The following SMIM13 variants were observed in gnomAD, a reference collection of about 807,000 sequenced individuals.
SMIM13 encodes UPF0766 protein C6orf228.
A neutral mutation model predicts 5.9 loss-of-function variants in SMIM13; 3 were observed. The ratio of observed to expected loss-of-function variants is 0.51; its 90% CI spans 0.23 to 1.31. The LOEUF is 1.31. Ranked by LOEUF, SMIM13 falls within the 40% of genes most tolerant of loss-of-function variation. The pLI, the probability that SMIM13 is intolerant of heterozygous loss-of-function variation, is 0.18. For missense variants in SMIM13, 85 were observed against 109.9 expected, an observed-to-expected ratio of 0.77 and a Z score of 1.01; for synonymous variants, 55 against 46.0, an observed-to-expected ratio of 1.19 and a Z score of -0.79.
At chr6:11,105,644 T>C (rs2113645102) in intron 1 of SMIM13, 1 of 227,516 alleles carries the variant, frequency 4.4e-6, no homozygotes, top group East Asian at 1.0e-4. Flanking sequence ...TAGGGGTAGA[T>C]AATAGAATGG....
intron 1 of SMIM13, among the ~76,000 whole-genome samples, chr6:11,097,166 G>C (rs571994636): frequency 1.3e-5 from 2 of 152,256 alleles, no homozygotes; most frequent in Admixed American, 1.3e-4. Context: ...TACAGCTCTG[G>C]AAGCTAAAAG....
In SMIM13 at chr6:11,133,738, G is replaced by GTT. The variant is rs80159629; in HGVS notation, c.77-653_77-652dup. Among the ~76,000 whole-genome samples the GTT allele has an allele frequency of 4.8e-3, 670 of 138,852 alleles. 4 individuals carry two copies. The highest frequency in any genetic ancestry group is 0.015 in the Middle Eastern group (4 of 260). The allele number at this position is 138,852 out of a possible 152,430, so 91.1% of individuals were successfully genotyped here. ...ACTACTCCTTGCAAAAACAAAACTTGTTTTTTTTTTTTTGTTAAAAGAGAA... is the reference window on the plus strand; with the variant it reads ...ACTACTCCTTGCAAAAACAAAACTTGTTTTTTTTTTTTTTTGTTAAAAGAGAA... On this transcript the variant is annotated intron_variant, in intron 1 of 1. Coordinates refer to ENST00000416247, the MANE Select transcript of SMIM13 (RefSeq NM_001135575.2).
At chr6:11,117,529 T>C (rs1284172591) in intron 1 of SMIM13, among the ~76,000 whole-genome samples, 1 of 152,058 alleles carries the variant, frequency 6.6e-6, no homozygotes, top group East Asian at 1.9e-4. Flanking sequence ...TTTTATTCAA[T>C]TCAAGATATT....
chr6:11,117,722 CTT>C (rs1758260007), intron 1 of SMIM13, among the ~76,000 whole-genome samples: 2 of 149,856 alleles, frequency 1.3e-5, no homozygotes, highest in African/African-American at 4.9e-5. Context: ...TTTAATGGGA[CTT>C]ATGATACAGA....
At chr6:11,104,468 G>C in intron 1 of SMIM13, 1 of 1,552,346 alleles carries the variant, frequency 6.4e-7, no homozygotes, top group Non-Finnish European at 8.7e-7. Flanking sequence ...GAAATAAGGG[G>C]GTGAGGGAGG....
At position 11,093,847 on chromosome 6, in the gene SMIM13, C is replaced by G. The variant is rs528027686; in HGVS notation, c.-467C>G. On this transcript the variant is annotated 5_prime_UTR_variant, in exon 1 of 2. Transcript: ENST00000416247. Reference sequence around the variant, plus strand: ...GGGGCCTGGGGCGGAGAAGCCGCTACAGCCGCGGCCGGGCGACGCTGACAT... The same window carrying G: ...GGGGCCTGGGGCGGAGAAGCCGCTAGAGCCGCGGCCGGGCGACGCTGACAT... Among the ~76,000 whole-genome samples, 1 of 152,382 alleles carries G rather than the reference C, an allele frequency of 6.6e-6. No homozygotes were observed. Among genetic ancestry groups the G allele is most frequent in the Admixed American group, 6.5e-5 (1 of 15,314 alleles).
At chr6:11,132,052 T>C (rs72825145) in intron 1 of SMIM13, among the ~76,000 whole-genome samples, 17,212 of 152,140 alleles carry the variant, frequency 0.11, 1,258 homozygotes, top group Middle Eastern at 0.17. Flanking sequence ...TAGAATATAC[T>C]AAGAACTCTT....
At chr6:11,125,850 A>G (rs1055839613) in intron 1 of SMIM13, among the ~76,000 whole-genome samples, 2 of 152,072 alleles carry the variant, frequency 1.3e-5, no homozygotes, top group Non-Finnish European at 2.9e-5. Context: ...ACTTTCTTGT[A>G]CTTGAGTATT....
At chr6:11,096,279 C>G (rs573516776) in intron 1 of SMIM13, among the ~76,000 whole-genome samples, 1 of 152,274 alleles carries the variant, frequency 6.6e-6, no homozygotes, top group Admixed American at 6.5e-5. Flanking sequence ...CAACCTAGAT[C>G]CCTCCTATGT....
chr6:11,131,332 T>TA (rs1417435788), intron 1 of SMIM13, among the ~76,000 whole-genome samples: 1 of 151,950 alleles, frequency 6.6e-6, no homozygotes. Context: ...TATATTTTTT[T>TA]AAAAAAACAA....
chr6:11,109,366 G>A (rs1242891213), intron 1 of SMIM13, among the ~76,000 whole-genome samples: 1 of 152,190 alleles, frequency 6.6e-6, no homozygotes, highest in South Asian at 2.1e-4. Context: ...CTCCTGAATG[G>A]GGCATAACTT....
intron 1 of SMIM13, chr6:11,103,977 G>T: frequency 6.4e-7 from 1 of 1,551,630 alleles, no homozygotes. Flanking sequence ...TACTTTTCCT[G>T]ATTGATTTAC....
chr6:11,124,237 T>C (rs1438805024), intron 1 of SMIM13, among the ~76,000 whole-genome samples: 1 of 152,232 alleles, frequency 6.6e-6, no homozygotes, highest in Non-Finnish European at 1.5e-5. Context: ...TACAAATAAG[T>C]GAGAACACGC....
chr6:11,116,008 CTTTTTTTTTTTTT>C lies in SMIM13; in HGVS notation c.77-18378_77-18366del, dbSNP rs35527082. On this transcript the variant is annotated intron_variant, in intron 1 of 1. Coordinates refer to ENST00000416247, the MANE Select transcript of SMIM13 (RefSeq NM_001135575.2). ...TGCCGGCCGGCCTTCCTTCCTTCCT[CTTTTTTTTTTTTT>C]TTTTTTTTTTTTTTTTGACAGAGTC... 6.2e-3 allele frequency among the ~76,000 whole-genome samples: 487 copies of C among 78,552 alleles called. 3 individuals are homozygous for C. Among genetic ancestry groups the C allele is most frequent in the African/African-American group, 0.021 (400 of 19,254 alleles). 51.5% of individuals were successfully genotyped at this position (78,552 alleles called of 152,430 possible). A position where few individuals can be genotyped will look rare whatever the true frequency, so the allele number is the denominator to read the frequency against.
intron 1 of SMIM13, among the ~76,000 whole-genome samples, chr6:11,098,226 T>G (rs989831717): frequency 6.6e-6 from 1 of 152,182 alleles, no homozygotes; most frequent in African/African-American, 2.4e-5. Flanking sequence ...TCTGTCTACA[T>G]TGGTTGTCTC....
chr6:11,101,026 C>T (rs867053294), intron 1 of SMIM13, among the ~76,000 whole-genome samples: 1 of 143,350 alleles, frequency 7.0e-6, no homozygotes, highest in Non-Finnish European at 1.5e-5. Context: ...TCCTCCTCTC[C>T]ATTTTCTTTT....
intron 1 of SMIM13, chr6:11,104,672 G>T (rs773979029): frequency 1.9e-6 from 3 of 1,614,218 alleles, no homozygotes; most frequent in South Asian, 1.1e-5. Flanking sequence ...GCAGACATTG[G>T]TTATAATCAG....
In SMIM13 at chr6:11,094,278, C is replaced by T. The variant is rs760028894; in HGVS notation, c.-36C>T. 4.5e-6 allele frequency: 6 copies of T among 1,334,844 alleles called. No individual in the cohort carries two copies. In the South Asian group the frequency reaches 7.2e-5, roughly 16 times the overall value. 82.7% of individuals were successfully genotyped at this position (1,334,844 alleles called of 1,614,324 possible). A position where few individuals can be genotyped will look rare whatever the true frequency, so the allele number is the denominator to read the frequency against. The stretch of plus-strand genomic sequence containing the variant: ...CGCCCGCGCTCACCGCCGTCCGCGC[C>T]AGCCGCCCCGAGCCGACTGCCCTTC... On this transcript the variant is annotated 5_prime_UTR_variant, in exon 1 of 2. Transcript: ENST00000416247.
rs372759398 is a variant in SMIM13 at position 11,137,308 on chromosome 6, C to T, written c.*2706C>T. 1 of 152,102 alleles carries T rather than the reference C, an allele frequency of 6.6e-6. No homozygotes were observed. The highest frequency in any genetic ancestry group is 2.4e-5 in the African/African-American group (1 of 41,414). The allele number at this position is 152,102 out of a possible 1,614,324, so 9.4% of individuals were successfully genotyped here. ...AACTTTTTTCTCTTCGTGCACCTCA[C>T]AACACACTTACCATGGTACATATTT... On this transcript the variant is annotated 3_prime_UTR_variant, in exon 2 of 2. Coordinates refer to ENST00000416247, the MANE Select transcript of SMIM13 (RefSeq NM_001135575.2).
Sources: allele counts gnomAD v4.1 joint callset (sites outside exome capture counted in the v4.1 genomes callset), GRCh38; gene constraint gnomAD v4.1.1; transcripts MANE v1.5; gene names NCBI Gene and HGNC (gene_info 2026-07-23, HGNC 2026-07-21).